Variants in ITGBL1 observed in about 807,000 individuals in gnomAD.
The protein encoded by ITGBL1 is integrin subunit beta like 1.
A neutral mutation model predicts 68.5 loss-of-function variants in ITGBL1; 51 were observed. The observed-to-expected ratio is 0.74, with a 90% CI of 0.59 to 0.94. The LOEUF is 0.94. Among genes scored for constraint, ITGBL1 ranks in the 40% least tolerant of loss-of-function variants. The pLI, the probability that ITGBL1 is intolerant of heterozygous loss-of-function variation, is 0.00. For synonymous variants in ITGBL1, 209 were observed against 227.3 expected, an observed-to-expected ratio of 0.92 and a Z score of 0.72; for missense variants, 649 against 647.4, an observed-to-expected ratio of 1.00 and a Z score of -0.03.
chr13:101,533,647 T>A (rs941949685), intron 2 of ITGBL1, among the ~76,000 whole-genome samples: 1 of 152,238 alleles, frequency 6.6e-6, no homozygotes, highest in African/African-American at 2.4e-5. Context: ...TTGTTCATAT[T>A]ATTCACATTC....
intron 7 of ITGBL1, among the ~76,000 whole-genome samples, chr13:101,627,598 C>T (rs1321385257): frequency 6.6e-6 from 1 of 152,144 alleles, no homozygotes; most frequent in Non-Finnish European, 1.5e-5. Flanking sequence ...CCCTACAAAT[C>T]CCCTGTGCTC....
At chr13:101,570,207 C>T (rs2050250269) in intron 3 of ITGBL1, among the ~76,000 whole-genome samples, 1 of 152,100 alleles carries the variant, frequency 6.6e-6, no homozygotes, top group African/African-American at 2.4e-5. Context: ...ATTTGTTATT[C>T]ATTTTGTACA....
At chr13:101,501,428 T>C (rs1243716212) in intron 2 of ITGBL1, among the ~76,000 whole-genome samples, 1 of 152,198 alleles carries the variant, frequency 6.6e-6, no homozygotes, top group African/African-American at 2.4e-5. Context: ...AGTCCTGGCA[T>C]GCAGTGCCCT....
At chr13:101,640,055 A>G (rs1286666620) in intron 7 of ITGBL1, among the ~76,000 whole-genome samples, 1 of 152,162 alleles carries the variant, frequency 6.6e-6, no homozygotes, top group Non-Finnish European at 1.5e-5. Flanking sequence ...TTCCCTGCCC[A>G]TATTCACAAG....
intron 2 of ITGBL1, among the ~76,000 whole-genome samples, chr13:101,520,786 G>T (rs1340198062): frequency 6.6e-6 from 1 of 152,194 alleles, no homozygotes; most frequent in Non-Finnish European, 1.5e-5. Flanking sequence ...AGAAGCCAGA[G>T]GATTGCTGGC....
intron 7 of ITGBL1, among the ~76,000 whole-genome samples, chr13:101,619,614 G>T (rs545496504): frequency 2.5e-4 from 38 of 152,240 alleles, no homozygotes; most frequent in African/African-American, 8.7e-4. Flanking sequence ...AATGTGTATT[G>T]TTTTTAGGCA....
chr13:101,483,819 A>G (rs1161708459), intron 2 of ITGBL1, among the ~76,000 whole-genome samples: 2 of 152,228 alleles, frequency 1.3e-5, no homozygotes, highest in East Asian at 1.9e-4. Context: ...TGGCTTAAAT[A>G]ACTCAGATAA....
intron 7 of ITGBL1, among the ~76,000 whole-genome samples, chr13:101,604,344 G>A (rs2030563593): frequency 6.6e-6 from 1 of 151,798 alleles, no homozygotes. Context: ...CATTTTTTAA[G>A]CAATAGAGTA....
chr13:101,707,728 C>G lies in ITGBL1; in HGVS notation c.1279+826C>G, dbSNP rs538539976. Among the ~76,000 whole-genome samples, 12 of 151,826 alleles carry G rather than the reference C, an allele frequency of 7.9e-5. No homozygotes were observed. In the East Asian group the frequency reaches 2.3e-3, roughly 30 times the overall value. ...ATTAGCCAGGCATTGTGGCTCACAC[C>G]TGTAATTACAGTTACTTGAGAGGCT... On this transcript the variant is annotated intron_variant, in intron 9 of 10. Transcript: ENST00000376180.
chr13:101,493,745 G>C (rs936866946), intron 2 of ITGBL1, among the ~76,000 whole-genome samples: 4 of 152,102 alleles, frequency 2.6e-5, no homozygotes, highest in Admixed American at 6.6e-5. Flanking sequence ...TCTTTCTTTT[G>C]ACACAAGTCC....
chr13:101,550,520 C>A (rs944519707), intron 2 of ITGBL1, among the ~76,000 whole-genome samples: 2 of 152,100 alleles, frequency 1.3e-5, no homozygotes, highest in African/African-American at 4.8e-5. Context: ...TTATAAAGCC[C>A]CTTGACGCTG....
chr13:101,712,490 A>G (rs2034514645), intron 9 of ITGBL1: 1 of 152,226 alleles, frequency 6.6e-6, no homozygotes, highest in Non-Finnish European at 1.5e-5. Context: ...GATAAGTTTG[A>G]AGATGAAATA....
chr13:101,538,796 A>G (rs376609987), intron 2 of ITGBL1, among the ~76,000 whole-genome samples: 6 of 152,274 alleles, frequency 3.9e-5, no homozygotes, highest in Admixed American at 3.3e-4. Context: ...GTTCTTTTTT[A>G]AAAGGATTTA....
chr13:101,515,271 T>G (rs2049177359), intron 2 of ITGBL1, among the ~76,000 whole-genome samples: 1 of 152,090 alleles, frequency 6.6e-6, no homozygotes, highest in African/African-American at 2.4e-5. Context: ...ATTCTAGTCA[T>G]AGGAGTACAA....
At chr13:101,459,807 A>T (rs748689482) in intron 2 of ITGBL1, among the ~76,000 whole-genome samples, 53 of 152,230 alleles carry the variant, frequency 3.5e-4, no homozygotes, top group Admixed American at 5.9e-4. Flanking sequence ...TTATGTGTTC[A>T]AATATTAACA....
intron 2 of ITGBL1, among the ~76,000 whole-genome samples, chr13:101,505,028 T>A (rs2049005061): frequency 6.6e-6 from 1 of 152,198 alleles, no homozygotes; most frequent in African/African-American, 2.4e-5. Context: ...TGAGGCGTTT[T>A]GGGTGTTCGT....
At chr13:101,688,455 A>G (rs557141729) in intron 7 of ITGBL1, among the ~76,000 whole-genome samples, 8 of 152,144 alleles carry the variant, frequency 5.3e-5, no homozygotes, top group African/African-American at 1.9e-4. Context: ...AGAAATAGGG[A>G]ACATAAAGTC....
chr13:101,569,210 T>C (rs1385040632), intron 3 of ITGBL1, among the ~76,000 whole-genome samples: 5 of 152,154 alleles, frequency 3.3e-5, no homozygotes, highest in African/African-American at 1.2e-4. Flanking sequence ...TTGAATTCTG[T>C]TTTGGGTTTG....
intron 8 of ITGBL1, among the ~76,000 whole-genome samples, chr13:101,695,665 G>T (rs900247383): frequency 5.9e-5 from 9 of 152,210 alleles, no homozygotes; most frequent in African/African-American, 2.2e-4. Flanking sequence ...AAAGGTGGAG[G>T]ATCTTGAATG....
Sources: gnomAD v4.1 joint callset for allele counts (sites outside exome capture counted in the v4.1 genomes callset) on GRCh38, gnomAD v4.1.1 for gene constraint, MANE v1.5 for transcripts, NCBI Gene and HGNC (gene_info 2026-07-23, HGNC 2026-07-21) for gene names.